TP53I13: variants seen among roughly 807,000 people sequenced by gnomAD.
TP53I13 encodes the protein tumor protein p53-inducible protein 13.
Under a neutral mutation model 39.1 loss-of-function variants are expected in TP53I13, and 27 were observed. The observed-to-expected ratio is 0.69, with a 90% CI of 0.51 to 0.95. TP53I13 has a LOEUF of 0.95. Among genes scored for constraint, TP53I13 ranks in the 40% least tolerant of loss-of-function variants. The probability of loss-of-function intolerance (pLI) is 0.00; values close to 1 mark genes in which losing one functional copy is unlikely to be tolerated. For missense variants in TP53I13, 544 were observed against 520.4 expected (o/e 1.05, Z -0.44); for synonymous variants, 230 against 224.6 (o/e 1.02, Z -0.22).
rs2150811144 is a variant in TP53I13 at position 29,572,799 on chromosome 17, G to A, written c.1070-13G>A. The A allele has an allele frequency of 6.5e-7, 1 of 1,530,198 alleles. No individual in the cohort carries two copies. The highest frequency in any genetic ancestry group is 8.8e-7 in the Non-Finnish European group (1 of 1,141,386). 94.8% of individuals were successfully genotyped at this position (1,530,198 alleles called of 1,614,324 possible). ...GCCCTCCCGCCCTTGACTGCTCGGC[G>A]CCCGGCCCACAGCTGTGCTGAAGCG... On this transcript the variant is annotated splice_polypyrimidine_tract_variant and intron_variant, in intron 6 of 6. Coordinates refer to ENST00000301057, the MANE Select transcript of TP53I13 (RefSeq NM_138349.4).
At chr17:29,581,220 T>G in the TP53I13 span, 1 of 767,854 alleles carries the variant, frequency 1.3e-6, no homozygotes, top group Non-Finnish European at 2.3e-6. This position sits in a 1 kb window ranked among gnomAD's most constrained non-coding sequence, Gnocchi z 4.8. Flanking sequence ...GTGCCTCTAG[T>G]CTCTGGGGGG....
the TP53I13 span, chr17:29,578,676 G>A: frequency 4.1e-6 from 6 of 1,445,888 alleles, no homozygotes; most frequent in Non-Finnish European, 1.9e-6. Context: ...GCAGAGGGTG[G>A]GGGATCAGAG....
downstream of TP53I13, chr17:29,576,504 C>T: frequency 6.2e-7 from 1 of 1,613,672 alleles, no homozygotes; most frequent in Non-Finnish European, 8.5e-7. Context: ...CCCCCTCCCA[C>T]CGAGGCTGCA....
Position 29,569,003 on chromosome 17 carries a change from G to T in TP53I13, c.73-15G>T. On this transcript the variant is annotated splice_polypyrimidine_tract_variant and intron_variant, in intron 1 of 6. Transcript: ENST00000301057. ...GCCGCGTCCAGCGCCCCAACTCTTC[G>T]CTTTGGACCCACAGGTGATGGCTGG... 6.2e-7 allele frequency: 1 copy of T among 1,607,340 alleles called. No homozygotes were observed. The highest frequency in any genetic ancestry group is 2.2e-5 in the East Asian group (1 of 44,616).
upstream of TP53I13, chr17:29,566,629 A>G (rs2032719190): frequency 1.9e-6 from 3 of 1,607,624 alleles, no homozygotes; most frequent in Admixed American, 3.3e-5. Context: ...TACGGGCAGG[A>G]CGAAGTGGCA....
chr17:29,570,887 A>C (rs1292430214), intron 3 of TP53I13: 1 of 152,444 alleles, frequency 6.6e-6, no homozygotes, highest in Non-Finnish European at 1.5e-5. Context: ...CCATCTTCCC[A>C]GTCCCAGCTG....
At chr17:29,576,855 A>T (rs770405036), downstream of TP53I13, 2 of 1,576,066 alleles carry the variant, frequency 1.3e-6, no homozygotes, top group Non-Finnish European at 1.7e-6. Context: ...GGAGGGTGGG[A>T]CTCAGACCCG....
Position 29,568,813 on chromosome 17 carries a change from C to A in TP53I13, c.55C>A (p.Leu19Ile), listed in dbSNP as rs768068184. The A allele has an allele frequency of 1.1e-5, 17 of 1,599,302 alleles. No individual in the cohort carries two copies. In the African/African-American group the frequency reaches 1.6e-4, roughly 15 times the overall value. Residue 19 changes from leucine to isoleucine, a missense_variant, in exon 1 of 7, where the codon CTC becomes ATC. Coordinates refer to ENST00000301057, the MANE Select transcript of TP53I13 (RefSeq NM_138349.4). This position sits in a 1 kb window ranked among gnomAD's most constrained non-coding sequence, Gnocchi z 4.5. The stretch of plus-strand genomic sequence containing the variant: ...GCTTCTCCTGGCAGCCCTCGCGAGG[C>A]TCCTGGGTCCCAGCGAGGTAAGGTG... ...QLLLLAALAR[L>I]LGPSEVMAGP...
At chr17:29,568,667 G>A, upstream of TP53I13, 1 of 892,684 alleles carries the variant, frequency 1.1e-6, no homozygotes, top group Non-Finnish European at 1.3e-6. This position sits in a 1 kb window ranked among gnomAD's most constrained non-coding sequence, Gnocchi z 4.5. Flanking sequence ...GGCGCGGGCG[G>A]CGCGGGGGCG....
At chr17:29,582,182 G>A in the TP53I13 span, 11 of 1,444,232 alleles carry the variant, frequency 7.6e-6, no homozygotes, top group East Asian at 2.5e-5. Context: ...ACGCATGTGC[G>A]TGAGGCGCAC....
downstream of TP53I13, chr17:29,576,580 T>C (rs1449822362): frequency 6.2e-7 from 1 of 1,613,962 alleles, no homozygotes; most frequent in Non-Finnish European, 8.5e-7. Flanking sequence ...CATGAGCTGC[T>C]GCACCTTTGC....
At chr17:29,575,674 G>C, downstream of TP53I13, 1 of 1,612,780 alleles carries the variant, frequency 6.2e-7, no homozygotes, top group Non-Finnish European at 8.5e-7. The surrounding 1 kb of genome is among the most constrained non-coding windows in gnomAD (Gnocchi z 5.5). Flanking sequence ...AGTCACTGTC[G>C]GCTCCACTGC....
At chr17:29,569,388 T>G (rs1425699066) in intron 3 of TP53I13, 29 bp downstream of exon 3, 1 of 1,611,624 alleles carries the variant, frequency 6.2e-7, no homozygotes. Context: ...CCACCACCCT[T>G]GGTGTCCACG....
chr17:29,581,309 C>A, the TP53I13 span: 2 of 1,589,100 alleles, frequency 1.3e-6, no homozygotes, highest in African/African-American at 1.3e-5. This position sits in a 1 kb window ranked among gnomAD's most constrained non-coding sequence, Gnocchi z 4.8. Flanking sequence ...CCAACAGCCT[C>A]TGGAAAGGGG....
downstream of TP53I13, chr17:29,576,763 C>A (rs1185904518): frequency 8.2e-6 from 13 of 1,583,038 alleles, no homozygotes; most frequent in Non-Finnish European, 1.1e-5. Context: ...GAGCAGCCCA[C>A]CTGTCCCTCA....
intron 2 of TP53I13, 56 bp downstream of exon 2, chr17:29,569,142 G>C: frequency 6.5e-7 from 1 of 1,536,246 alleles, no homozygotes; most frequent in Admixed American, 2.0e-5. Context: ...GCCCAGTCCC[G>C]CTCTGTTCTC....
chr17:29,569,121 G>A (rs777505542), intron 2 of TP53I13, 35 bp downstream of exon 2: 1 of 1,564,068 alleles, frequency 6.4e-7, no homozygotes, highest in South Asian at 1.2e-5. Flanking sequence ...AGAGAGGGAT[G>A]TGAAAGGCTA....
downstream of TP53I13, chr17:29,576,733 G>A: frequency 6.2e-7 from 1 of 1,604,908 alleles, no homozygotes; most frequent in Non-Finnish European, 8.5e-7. Context: ...ACACCCGCAG[G>A]GGGCAGTTAT....
downstream of TP53I13, chr17:29,577,527 CCT>C (rs1035843707): frequency 5.2e-6 from 4 of 769,788 alleles, no homozygotes; most frequent in African/African-American, 3.4e-5. Flanking sequence ...CCAGCTGTGC[CCT>C]GAGGGAGGCC....
Sources: allele counts gnomAD v4.1 joint callset, GRCh38; gene constraint gnomAD v4.1.1; non-coding constraint Gnocchi (gnomAD v3.1); transcripts MANE v1.5; gene names NCBI Gene and HGNC (gene_info 2026-07-23, HGNC 2026-07-21).